The following MCM7 variants were observed in gnomAD, a reference collection of about 807,000 sequenced individuals.
The protein encoded by MCM7 is minichromosome maintenance complex component 7, also known as DNA replication licensing factor MCM7.
Under a neutral mutation model 83.5 loss-of-function variants are expected in MCM7, and 95 were observed. That is an observed-to-expected ratio of 1.14 (90% CI 0.96 to 1.35). MCM7 has a LOEUF of 1.35. Among genes scored for constraint, MCM7 ranks in the 40% most tolerant of loss-of-function variants. The pLI is 0.00. For synonymous variants in MCM7, 461 were observed against 352.7 expected (o/e 1.31, Z -3.44); for missense variants, 1,087 against 957.4 (o/e 1.14, Z -1.79).
chr7:100,093,452 C>A (rs377681064), intron 13 of MCM7, 51 bp from the exon 14 acceptor site: 1 of 1,538,188 alleles, frequency 6.5e-7, no homozygotes, highest in Non-Finnish European at 9.0e-7. Context: ...GGCAGTGGAA[C>A]GAGGTCAGGG....
At position 100,095,452 on chromosome 7, in the gene MCM7, G is replaced by A. The variant is rs1411811650; in HGVS notation, c.1614C>T (p.Thr538=). The stretch of plus-strand genomic sequence containing the variant: ...GCTGCCGGCTGTGCTGGTGCACATA[G>A]GTGATGTGCTGGGCCAACCTGGACA... ...DNDLRLAQHI[T]YVHQHSRQPP... is the part of the protein sequence containing the mutation. Residue 538 remains threonine (T), a synonymous_variant, in exon 12 of 15, where the codon ACC becomes ACT. Coordinates refer to ENST00000303887, the MANE Select transcript of MCM7 (RefSeq NM_005916.5). 17 of 1,614,034 alleles carry A rather than the reference G, an allele frequency of 1.1e-5. No individual in the cohort carries two copies. Among genetic ancestry groups the A allele is most frequent in the Middle Eastern group, 1.6e-4 (1 of 6,078 alleles).
At chr7:100,098,363 C>T (rs1286331739) in intron 6 of MCM7, 73 bp from the exon 7 acceptor site, 2 of 1,564,702 alleles carry the variant, frequency 1.3e-6, no homozygotes, top group East Asian at 2.2e-5. Flanking sequence ...AGGCATCCCA[C>T]TCAAAGGCTC....
chr7:100,094,529 G>A (rs924289613), intron 12 of MCM7, among the ~76,000 whole-genome samples, 188 bp from the exon 13 acceptor site: 2 of 152,124 alleles, frequency 1.3e-5, no homozygotes, highest in African/African-American at 4.8e-5. Flanking sequence ...TTCACCAAAC[G>A]TATAGCCCCC....
chr7:100,095,687 C>T (rs1795591537), intron 11 of MCM7, 87 bp downstream of exon 11: 11 of 1,483,560 alleles, frequency 7.4e-6, no homozygotes, highest in Middle Eastern at 2.5e-4. Context: ...TTTCCAGGAG[C>T]GTGGAATTTG....
At position 100,101,312 on chromosome 7, in the gene MCM7, C is replaced by A; in HGVS notation, c.-18G>T. The A allele has an allele frequency of 6.2e-7, 1 of 1,613,072 alleles. No homozygotes were observed. The highest frequency in any genetic ancestry group is 8.5e-7 in the Non-Finnish European group (1 of 1,179,852). ...AGTGCCATCGCTGCCGAGGGCCGTG[C>A]GGCCGCGCTTGGCGGGCTCAGAGGT... is the stretch of plus-strand genomic sequence containing the variant. On this transcript the variant is annotated 5_prime_UTR_variant, in exon 1 of 15. Coordinates refer to ENST00000303887, the MANE Select transcript of MCM7 (RefSeq NM_005916.5).
chr7:100,101,283 C>G lies in MCM7; in HGVS notation c.12G>C (p.Lys4Asn), dbSNP rs1215505729. The change falls in exon 1 of 15, where the codon AAG becomes AAC. Residue 4 changes from lysine (K) to asparagine (N), a missense_variant. Lys to Asn is a moderately conservative substitution (Grantham distance 94). Transcript: ENST00000303887. Reference sequence around the variant, plus strand: ...CCGTACCCTTCTCTAGCGCGTAGTCCTTCAGTGCCATCGCTGCCGAGGGCC... The same window carrying G: ...CCGTACCCTTCTCTAGCGCGTAGTCGTTCAGTGCCATCGCTGCCGAGGGCC... MAL[K>N]DYALEKEKVK... 6.2e-7 allele frequency: 1 copy of G among 1,613,306 alleles called. No homozygotes were observed. Among genetic ancestry groups the G allele is most frequent in the South Asian group, 1.1e-5 (1 of 91,090 alleles).
At chr7:100,094,778 A>C (rs896317786) in intron 12 of MCM7, among the ~76,000 whole-genome samples, 2 of 152,260 alleles carry the variant, frequency 1.3e-5, no homozygotes, top group Admixed American at 1.3e-4. Flanking sequence ...GCCTGGGAGC[A>C]GGTGTTTTAA....
chr7:100,095,764 C>A lies in MCM7; in HGVS notation c.1595+10G>T. 6.4e-7 allele frequency: 1 copy of A among 1,558,938 alleles called. No homozygotes were observed. Among genetic ancestry groups the A allele is most frequent in the Non-Finnish European group, 8.7e-7 (1 of 1,154,186 alleles). On this transcript the variant is annotated intron_variant, in intron 11 of 14. Coordinates refer to ENST00000303887, the MANE Select transcript of MCM7 (RefSeq NM_005916.5). ...AGGGGACCTCTCTTTGGGTGTTGAG[C>A]TTCATTCACCGTAGGTCATTGTCTC... is the stretch of plus-strand genomic sequence containing the variant.
Position 100,095,467 on chromosome 7 carries a change from C to T in MCM7, c.1599G>A (p.Leu533=). The change falls in exon 12 of 15, where the codon TTG becomes TTA. Residue 533 remains leucine, a synonymous_variant. Coordinates refer to ENST00000303887, the MANE Select transcript of MCM7 (RefSeq NM_005916.5). Reference sequence around the variant, plus strand: ...GGTGCACATAGGTGATGTGCTGGGCCAACCTGGACAGAGGGAAGGTTAGAA... The same window carrying T: ...GGTGCACATAGGTGATGTGCTGGGCTAACCTGGACAGAGGGAAGGTTAGAA... ...DRPDRDNDLR[L]AQHITYVHQH... is the part of the protein sequence containing the mutation. 6.2e-7 allele frequency: 1 copy of T among 1,613,986 alleles called. No individual in the cohort carries two copies. The highest frequency in any genetic ancestry group is 1.1e-5 in the South Asian group (1 of 91,030).
Position 100,098,566 on chromosome 7 carries a change from C to G in MCM7, c.720+12G>C. 6.2e-7 allele frequency: 1 copy of G among 1,614,088 alleles called. No individual in the cohort carries two copies. Among genetic ancestry groups the G allele is most frequent in the Non-Finnish European group, 8.5e-7 (1 of 1,179,964 alleles). ...CGATCCACCTGCCCAGGGCCACGTA[C>G]CCCAAACTCACATGTTCTTGCATCT... On this transcript the variant is annotated intron_variant, in intron 6 of 14. Coordinates refer to ENST00000303887, the MANE Select transcript of MCM7 (RefSeq NM_005916.5).
intron 1 of MCM7, 180 bp downstream of exon 1, chr7:100,101,084 G>GC (rs1795994943): frequency 2.6e-6 from 2 of 757,930 alleles, no homozygotes; most frequent in Non-Finnish European, 4.2e-6. Flanking sequence ...AACATCGATG[G>GC]CCCCCCGCAC....
At position 100,101,333 on chromosome 7, in the gene MCM7, G is replaced by A. The variant is rs1379011368; in HGVS notation, c.-39C>T. The A allele has an allele frequency of 2.7e-5, 44 of 1,612,466 alleles. No individual in the cohort carries two copies. The highest frequency in any genetic ancestry group is 3.6e-5 in the Non-Finnish European group (42 of 1,179,784). On this transcript the variant is annotated 5_prime_UTR_variant, in exon 1 of 15. Coordinates refer to ENST00000303887, the MANE Select transcript of MCM7 (RefSeq NM_005916.5). ...CGTGCGGCCGCGCTTGGCGGGCTCAGAGGTCTTGCTCCTGGGGAAGCTGAG... is the reference window on the plus strand; with the variant it reads ...CGTGCGGCCGCGCTTGGCGGGCTCAAAGGTCTTGCTCCTGGGGAAGCTGAG...
At position 100,097,892 on chromosome 7, in the gene MCM7, A is replaced by C; in HGVS notation, c.927T>G (p.Ser309Arg). 6 of 1,613,540 alleles carry C rather than the reference A, an allele frequency of 3.7e-6. No individual in the cohort carries two copies. Among genetic ancestry groups the C allele is most frequent in the Non-Finnish European group, 5.1e-6 (6 of 1,179,922 alleles). ...EAHRIVKMNK[S>R]EDDESGAGEL... ...CTCCAGCCCCAGACTCATCATCCTC[A>C]CTCTTGTTCATCTTCACAATCCGAT... The change falls in exon 8 of 15, where the codon AGT (serine) becomes AGG (arginine). Residue 309 changes from serine (S) to arginine (R), a missense_variant. Coordinates refer to ENST00000303887, the MANE Select transcript of MCM7 (RefSeq NM_005916.5).
At position 100,097,595 on chromosome 7, in the gene MCM7, CTCCCT is replaced by C. The variant is rs1795705877; in HGVS notation, c.1117+14_1117+18del. The C allele has an allele frequency of 6.2e-7, 1 of 1,613,164 alleles. No homozygotes were observed. The highest frequency in any genetic ancestry group is 1.3e-5 in the African/African-American group (1 of 75,012). Reference sequence around the variant, plus strand: ...AAATGACTTCATCCACCCTGAGCCTCTCCCTTGTTTCTTCTTACCCCGGATTTTCA... The same window carrying C: ...AAATGACTTCATCCACCCTGAGCCTCTGTTTCTTCTTACCCCGGATTTTCA... On this transcript the variant is annotated intron_variant, in intron 9 of 14. Coordinates refer to ENST00000303887, the MANE Select transcript of MCM7 (RefSeq NM_005916.5).
chr7:100,100,841 G>A (rs1324246852), intron 1 of MCM7: 1 of 1,009,076 alleles, frequency 9.9e-7, no homozygotes, highest in Non-Finnish European at 1.2e-6. Context: ...GGCGCGCAGC[G>A]GCCCCGGCCT....
Position 100,098,567 on chromosome 7 carries a change from C to T in MCM7, c.720+11G>A. ...GATCCACCTGCCCAGGGCCACGTAC[C>T]CCAAACTCACATGTTCTTGCATCTT... On this transcript the variant is annotated intron_variant, in intron 6 of 14. Transcript: ENST00000303887. 5 of 1,614,080 alleles carry T rather than the reference C, an allele frequency of 3.1e-6. No individual in the cohort carries two copies. The highest frequency in any genetic ancestry group is 3.4e-6 in the Non-Finnish European group (4 of 1,179,942).
chr7:100,098,640 G>C lies in MCM7; in HGVS notation c.658C>G (p.Leu220Val). The C allele has an allele frequency of 6.2e-7, 1 of 1,614,160 alleles. No individual in the cohort carries two copies. The highest frequency in any genetic ancestry group is 8.5e-7 in the Non-Finnish European group (1 of 1,180,038). ...CTGGAGCCCCGTGTCTGCAGATACA[G>C]CCGCCCTCCTGAGCGGTTGGTTTGG... ...ECQTNRSGGR[L>V]YLQTRGSRFI... is the part of the protein sequence containing the mutation. Residue 220 changes from leucine to valine, a missense_variant, in exon 6 of 15, where the codon CTG (leucine) becomes GTG (valine). Leu to Val is a conservative substitution (Grantham distance 32, BLOSUM62 1). Transcript: ENST00000303887.
rs767238819 is a variant in MCM7 at position 100,094,325 on chromosome 7, A to T, written c.1696T>A (p.Cys566Ser). 21 of 1,614,028 alleles carry T rather than the reference A, an allele frequency of 1.3e-5. No homozygotes were observed. Among genetic ancestry groups the T allele is most frequent in the Admixed American group, 1.0e-4 (6 of 60,004 alleles). The stretch of plus-strand genomic sequence containing the variant: ...GGCACCATGGGCTGCTTCTCGCGGC[A>T]CATGGCTATGTAACGCCTGTGGGGG... ...MKLMRRYIAM[C>S]REKQPMVPES... The change falls in exon 13 of 15, where the codon TGC becomes AGC. Residue 566 changes from cysteine (C) to serine (S), a missense_variant. Cys to Ser is a moderately radical substitution (Grantham distance 112). Transcript: ENST00000303887.
rs200061657 is a variant in MCM7, at chr7:100,101,280, G to A, written c.15C>T (p.Asp5=). 6.2e-7 allele frequency: 1 copy of A among 1,613,296 alleles called. No individual in the cohort carries two copies. The highest frequency in any genetic ancestry group is 8.5e-7 in the Non-Finnish European group (1 of 1,179,910). ...GACCCGTACCCTTCTCTAGCGCGTA[G>A]TCCTTCAGTGCCATCGCTGCCGAGG... The part of the protein sequence containing the change: MALK[D]YALEKEKVKK... The change falls in exon 1 of 15, where the codon GAC becomes GAT. Residue 5 remains aspartate, a synonymous_variant. Coordinates refer to ENST00000303887, the MANE Select transcript of MCM7 (RefSeq NM_005916.5).
Sources: gnomAD v4.1 joint callset for allele counts (sites outside exome capture counted in the v4.1 genomes callset) on GRCh38, gnomAD v4.1.1 for gene constraint, MANE v1.5 for transcripts, NCBI Gene and HGNC (gene_info 2026-07-23, HGNC 2026-07-21) for gene names.